Variants in RABGAP1L observed in about 807,000 individuals in gnomAD.
RABGAP1L encodes the protein RAB GTPase activating protein 1 like, also known as rab GTPase-activating protein 1-like.
In RABGAP1L, 63 loss-of-function variants were observed where a neutral mutation model predicts 137.7. That is an observed-to-expected ratio of 0.46 (90% confidence interval 0.37 to 0.56). The LOEUF is 0.56. Among genes scored for constraint, RABGAP1L ranks in the 20% least tolerant of loss-of-function variants. The pLI is 0.00. For synonymous variants in RABGAP1L, 431 were observed against 433.7 expected (o/e 0.99, Z 0.08); for missense variants, 1,095 against 1,244.0 (o/e 0.88, Z 1.80).
At chr1:174,337,094 G>A (rs1056939145) in intron 11 of RABGAP1L, among the ~76,000 whole-genome samples, 3 of 151,898 alleles carry the variant, frequency 2.0e-5, no homozygotes, top group Admixed American at 2.0e-4. Context: ...AAAAAATTTA[G>A]CATCTTAAAT....
At chr1:174,494,320 T>C (rs1195652950) in intron 13 of RABGAP1L, among the ~76,000 whole-genome samples, 1 of 152,112 alleles carries the variant, frequency 6.6e-6, no homozygotes, top group African/African-American at 2.4e-5. Context: ...ATTTGTTCTG[T>C]TTTGCTGCTA....
At chr1:174,480,175 A>G (rs1264962402) in intron 13 of RABGAP1L, among the ~76,000 whole-genome samples, 1 of 152,180 alleles carries the variant, frequency 6.6e-6, no homozygotes, top group Admixed American at 6.6e-5. Flanking sequence ...GGTGGTATTT[A>G]TATAATTCCT....
chr1:174,613,502 G>T (rs927426260), intron 13 of RABGAP1L, among the ~76,000 whole-genome samples: 6 of 152,274 alleles, frequency 3.9e-5, no homozygotes, highest in African/African-American at 1.4e-4. Context: ...TGGAATAGGT[G>T]TGGTTTGGTG....
At chr1:174,282,211 C>G (rs1275926554) in intron 10 of RABGAP1L, among the ~76,000 whole-genome samples, 1 of 152,156 alleles carries the variant, frequency 6.6e-6, no homozygotes, top group East Asian at 1.9e-4. Flanking sequence ...TAGAAACTGC[C>G]AAACTGTTTT....
At chr1:174,977,762 GAGA>G (rs1670773200) in intron 22 of RABGAP1L, among the ~76,000 whole-genome samples, 1 of 152,194 alleles carries the variant, frequency 6.6e-6, no homozygotes, top group Admixed American at 6.5e-5. Context: ...CGTGGAAGGC[GAGA>G]AGGTTATTGT....
chr1:174,618,585 A>T (rs1247389577), intron 13 of RABGAP1L, among the ~76,000 whole-genome samples: 2 of 152,196 alleles, frequency 1.3e-5, no homozygotes, highest in African/African-American at 4.8e-5. Context: ...GAGGGTCCTG[A>T]CTGTTAGAAG....
At chr1:174,841,114 GACA>G (rs1309934114) in intron 19 of RABGAP1L, among the ~76,000 whole-genome samples, 1 of 152,074 alleles carries the variant, frequency 6.6e-6, no homozygotes, top group Non-Finnish European at 1.5e-5. Flanking sequence ...AGATCAAGTG[GACA>G]ACAACTAAGA....
chr1:174,281,373 C>T (rs1675524369), intron 10 of RABGAP1L, among the ~76,000 whole-genome samples: 1 of 152,154 alleles, frequency 6.6e-6, no homozygotes, highest in African/African-American at 2.4e-5. Flanking sequence ...GGTGTGTTTA[C>T]AAACCATTAG....
At chr1:174,450,058 A>G (rs549253392) in intron 13 of RABGAP1L, among the ~76,000 whole-genome samples, 40 of 152,182 alleles carry the variant, frequency 2.6e-4, no homozygotes, top group African/African-American at 8.4e-4. Flanking sequence ...TTTTGGAAAC[A>G]TTTTTATCTG....
rs187627106 is a variant in RABGAP1L, at chr1:174,375,308, C to T, written c.1559+4236C>T. Among the ~76,000 whole-genome samples, 165 of 151,762 alleles carry T rather than the reference C, an allele frequency of 1.1e-3. 1 individual carries two copies. The highest frequency in any genetic ancestry group is 2.5e-3 in the Admixed American group (38 of 15,238). On this transcript the variant is annotated intron_variant, in intron 12 of 25. Coordinates refer to ENST00000681986, the MANE Select transcript of RABGAP1L (RefSeq NM_001366446.1). ...GTCTGTCAATGATCTAAGCTTCTAT[C>T]TTTAGATACTAGGAAAAAAGAGAAA...
chr1:174,515,880 T>C (rs1258735779), intron 13 of RABGAP1L, among the ~76,000 whole-genome samples: 1 of 124,324 alleles, frequency 8.0e-6, no homozygotes, highest in East Asian at 1.9e-4. Context: ...GAGCACTCTA[T>C]CTTAAGTTGG....
intron 13 of RABGAP1L, among the ~76,000 whole-genome samples, chr1:174,632,626 G>C (rs953032358): frequency 6.7e-6 from 1 of 149,096 alleles, no homozygotes; most frequent in Non-Finnish European, 1.5e-5. Flanking sequence ...TTCCCTTCTC[G>C]CTTCATTTCA....
intron 17 of RABGAP1L, among the ~76,000 whole-genome samples, chr1:174,750,200 G>A (rs1684236180): frequency 1.3e-5 from 2 of 152,134 alleles, no homozygotes; most frequent in Non-Finnish European, 2.9e-5. Context: ...GCTATACTTA[G>A]AATCACGTTG....
intron 13 of RABGAP1L, among the ~76,000 whole-genome samples, chr1:174,552,942 A>G (rs933797430): frequency 2.0e-5 from 3 of 152,148 alleles, no homozygotes; most frequent in Admixed American, 1.3e-4. Flanking sequence ...ATGGTATCTC[A>G]TTGTGGTTTC....
chr1:174,338,093 C>T (rs1355908233), intron 11 of RABGAP1L, among the ~76,000 whole-genome samples: 3 of 152,024 alleles, frequency 2.0e-5, no homozygotes, highest in Admixed American at 1.3e-4. Context: ...CTACAGATAA[C>T]CAGTGGTATT....
intron 12 of RABGAP1L, among the ~76,000 whole-genome samples, chr1:174,382,462 C>T (rs1686243403): frequency 4.8e-5 from 2 of 41,266 alleles, no homozygotes; most frequent in Admixed American, 3.3e-4. Flanking sequence ...CACATAGTCC[C>T]ATATTTCTTG....
At position 174,645,663 on chromosome 1, in the gene RABGAP1L, G is replaced by A. The variant is rs547900710; in HGVS notation, c.1824+8175G>A. On this transcript the variant is annotated intron_variant, in intron 14 of 25. Coordinates refer to ENST00000681986, the MANE Select transcript of RABGAP1L (RefSeq NM_001366446.1). ...GTCCAAGTTTTTGCTATTGTGAATAGTGCTGCAATAAACATATGTATGCAT... is the reference window on the plus strand; with the variant it reads ...GTCCAAGTTTTTGCTATTGTGAATAATGCTGCAATAAACATATGTATGCAT... Among the ~76,000 whole-genome samples the A allele has an allele frequency of 2.0e-5, 3 of 152,210 alleles. No homozygotes were observed. The South Asian group carries it at 6.2e-4, about 32-fold the overall frequency.
At chr1:174,161,818 T>C (rs1664483654) in intron 1 of RABGAP1L, among the ~76,000 whole-genome samples, 1 of 152,202 alleles carries the variant, frequency 6.6e-6, no homozygotes, top group Admixed American at 6.5e-5. Context: ...AGCCACGAAG[T>C]TCTGGTCTCA....
chr1:174,888,174 A>G (rs987124041), intron 19 of RABGAP1L, among the ~76,000 whole-genome samples: 5 of 152,250 alleles, frequency 3.3e-5, no homozygotes, highest in African/African-American at 1.2e-4. Flanking sequence ...ATTTTGAGAT[A>G]TATGTAATAC....
Sources: allele counts gnomAD v4.1 joint callset (sites outside exome capture counted in the v4.1 genomes callset), GRCh38; gene constraint gnomAD v4.1.1; transcripts MANE v1.5; gene names NCBI Gene and HGNC (gene_info 2026-07-23, HGNC 2026-07-21).